ANKRD30B: variants seen among roughly 807,000 people sequenced by gnomAD.
The protein encoded by ANKRD30B is ankyrin repeat domain-containing protein 30B.
In ANKRD30B, 144 loss-of-function variants were observed where a neutral mutation model predicts 202.2. That is an observed-to-expected ratio of 0.71 (90% CI 0.62 to 0.82). The LOEUF is 0.82. ANKRD30B is among the 40% of genes least tolerant of loss of function. The pLI, the probability that ANKRD30B is intolerant of heterozygous loss-of-function variation, is 0.00. For synonymous variants in ANKRD30B, 508 were observed against 561.3 expected, an observed-to-expected ratio of 0.91 and a Z score of 1.34; for missense variants, 1,487 against 1,669.1, an observed-to-expected ratio of 0.89 and a Z score of 1.90.
At chr18:14,836,827 C>T (rs1046008221) in intron 34 of ANKRD30B, among the ~76,000 whole-genome samples, 9 of 151,742 alleles carry the variant, frequency 5.9e-5, no homozygotes, top group African/African-American at 2.2e-4. Context: ...GTCTTTGTAT[C>T]CTGACTCTGC....
At chr18:14,766,472 CAAAAAA>C (rs1168681924) in intron 7 of ANKRD30B, among the ~76,000 whole-genome samples, 94 of 55,600 alleles carry the variant, frequency 1.7e-3, no homozygotes, top group Middle Eastern at 0.021. Flanking sequence ...GACTCCATCT[CAAAAAA>C]AAAAAAAAAA....
intron 26 of ANKRD30B, among the ~76,000 whole-genome samples, chr18:14,809,144 G>T (rs1446970567): frequency 2.0e-5 from 3 of 149,484 alleles, no homozygotes; most frequent in Non-Finnish European, 4.4e-5. Context: ...TAGTGAGGGT[G>T]GGGGTGGGTT....
At chr18:14,811,347 G>A (rs1473047253) in intron 28 of ANKRD30B, among the ~76,000 whole-genome samples, 30 of 150,950 alleles carry the variant, frequency 2.0e-4, no homozygotes, top group Admixed American at 2.0e-3. Flanking sequence ...AAGTAGCTGG[G>A]AATCCAGGCG....
chr18:14,800,909 C>A (rs1354577449), intron 22 of ANKRD30B, among the ~76,000 whole-genome samples: 1 of 10,432 alleles, frequency 9.6e-5, no homozygotes, highest in Admixed American at 9.9e-4. Flanking sequence ...ATTAAGTACA[C>A]AATTATTATG....
At chr18:14,863,249 G>A in the ANKRD30B span, among the ~76,000 whole-genome samples, 4 of 107,208 alleles carry the variant, frequency 3.7e-5, no homozygotes, top group Non-Finnish European at 8.2e-5. Flanking sequence ...GATCTTAAAC[G>A]TTGGTGGTGG....
In ANKRD30B at chr18:14,809,938, T is replaced by A. The variant is rs780358613; in HGVS notation, c.2387-48T>A. On this transcript the variant is annotated intron_variant, in intron 26 of 43. Coordinates refer to ENST00000690538, the MANE Select transcript of ANKRD30B (RefSeq NM_001367607.2). ...CACACTCTATGAACATTTGGTAGGC[T>A]TTGTCAGGCTTGCATATAATCAATT... The A allele has an allele frequency of 9.5e-6, 13 of 1,364,566 alleles. 1 individual carries two copies. In the South Asian group the frequency reaches 1.5e-4, roughly 16 times the overall value. The allele number at this position is 1,364,566 out of a possible 1,614,324, so 84.5% of individuals were successfully genotyped here.
intron 15 of ANKRD30B, among the ~76,000 whole-genome samples, chr18:14,789,868 ATG>A (rs1968348915): frequency 6.6e-6 from 1 of 152,164 alleles, no homozygotes; most frequent in Non-Finnish European, 1.5e-5. Context: ...TGACTTGGAG[ATG>A]CAGGCTCTTT....
At chr18:14,824,894 C>T (rs952802688) in intron 32 of ANKRD30B, among the ~76,000 whole-genome samples, 2 of 152,126 alleles carry the variant, frequency 1.3e-5, no homozygotes, top group Non-Finnish European at 2.9e-5. Context: ...TGATTGTACT[C>T]CTATAAAACT....
the ANKRD30B span, among the ~76,000 whole-genome samples, chr18:14,874,477 T>C: frequency 3.3e-5 from 5 of 152,244 alleles, no homozygotes; most frequent in African/African-American, 1.2e-4. Context: ...TAATACAATT[T>C]GTATGAACAT....
chr18:14,763,870 A>G lies in ANKRD30B; in HGVS notation c.1005A>G (p.Thr335=). The G allele has an allele frequency of 1.2e-6, 2 of 1,612,846 alleles. No homozygotes were observed. The highest frequency in any genetic ancestry group is 8.5e-7 in the Non-Finnish European group (1 of 1,179,362). Residue 335 remains threonine (T), a synonymous_variant, in exon 7 of 44, where the codon ACA becomes ACG. Transcript: ENST00000690538. ...SGKFEQSTEE[T]PRKILRPTKE... is the part of the protein sequence containing the mutation. Reference sequence around the variant, plus strand: ...AGTTTGAACAGTCAACAGAAGAAACACCTAGGAAAATTTTGAGGCCTACAA... The same window carrying G: ...AGTTTGAACAGTCAACAGAAGAAACGCCTAGGAAAATTTTGAGGCCTACAA...
chr18:14,906,328 G>A, the ANKRD30B span, among the ~76,000 whole-genome samples: 1 of 152,000 alleles, frequency 6.6e-6, no homozygotes, highest in Admixed American at 6.5e-5. Flanking sequence ...TTGTAAAATG[G>A]CATCAAAATC....
At chr18:14,821,860 G>A (rs772414085) in intron 30 of ANKRD30B, among the ~76,000 whole-genome samples, 6 of 152,128 alleles carry the variant, frequency 3.9e-5, no homozygotes, top group East Asian at 3.8e-4. Flanking sequence ...AAAAATACTC[G>A]TATTTCACAG....
the ANKRD30B span, among the ~76,000 whole-genome samples, chr18:14,939,353 T>C: frequency 6.6e-6 from 1 of 152,170 alleles, no homozygotes; most frequent in African/African-American, 2.4e-5. Context: ...CCCTGGCTGA[T>C]TCCCCAGTGG....
rs1351124280 is a variant in ANKRD30B at position 14,810,148 on chromosome 18, T to C, written c.2456T>C (p.Leu819Ser). ...VRKVSLPNKA[L>S]ELKDRETLKA... ...AAAGTTTCTCTTCCAAATAAAGCCT[T>C]AGAATTAAAGGACAGAGAAACATTA... is the stretch of plus-strand genomic sequence containing the variant. Residue 819 changes from leucine to serine, a missense_variant, in exon 28 of 44, where the codon TTA becomes TCA. This residue lies in a region of ANKRD30B where 218 missense variants were observed against 320.1 expected (regional missense o/e 0.68). Transcript: ENST00000690538. 2.0e-6 allele frequency: 3 copies of C among 1,478,312 alleles called. No individual in the cohort carries two copies. In the Admixed American group the frequency reaches 6.0e-5, roughly 29 times the overall value. The allele number at this position is 1,478,312 out of a possible 1,614,324, so 91.6% of individuals were successfully genotyped here. A position where few individuals can be genotyped will look rare whatever the true frequency, so the allele number is the denominator to read the frequency against.
intron 20 of ANKRD30B, among the ~76,000 whole-genome samples, chr18:14,798,550 C>A (rs1415367679): frequency 2.6e-5 from 4 of 152,094 alleles, no homozygotes; most frequent in Non-Finnish European, 5.9e-5. Context: ...ACCAGAAATT[C>A]TCAGAAGGGA....
Position 14,814,676 on chromosome 18 carries a change from A to T in ANKRD30B, c.2606A>T (p.Gln869Leu). The change falls in exon 30 of 44, where the codon CAA becomes CTA. Residue 869 changes from glutamine to leucine, a missense_variant. This residue lies in a region of ANKRD30B where 218 missense variants were observed against 320.1 expected (regional missense o/e 0.68). Coordinates refer to ENST00000690538, the MANE Select transcript of ANKRD30B (RefSeq NM_001367607.2). ...GGGTGTTTACCCAAGGCTACACATC[A>T]AAAAGAATTCGATACCTTAAGTGGA... ...NDGCLPKATH[Q>L]KEFDTLSGKL... is the part of the protein sequence containing the mutation. 1 of 1,123,738 alleles carries T rather than the reference A, an allele frequency of 8.9e-7. No homozygotes were observed. The highest frequency in any genetic ancestry group is 1.2e-6 in the Non-Finnish European group (1 of 811,610). The allele number at this position is 1,123,738 out of a possible 1,614,324, so 69.6% of individuals were successfully genotyped here. A position where few individuals can be genotyped will look rare whatever the true frequency, so the allele number is the denominator to read the frequency against.
intron 24 of ANKRD30B, among the ~76,000 whole-genome samples, chr18:14,804,500 C>T (rs1969375502): frequency 1.3e-5 from 2 of 148,966 alleles, no homozygotes; most frequent in Admixed American, 1.3e-4. Context: ...CACTGTGATT[C>T]AGCCGACTAG....
At chr18:14,833,389 C>T (rs548298715) in intron 34 of ANKRD30B, among the ~76,000 whole-genome samples, 1 of 152,314 alleles carries the variant, frequency 6.6e-6, no homozygotes, top group African/African-American at 2.4e-5. Context: ...ACTGGAACTA[C>T]AGGCATCCGC....
chr18:14,888,868 T>G, the ANKRD30B span: 175 of 947,688 alleles, frequency 1.8e-4, no homozygotes, highest in Admixed American at 2.3e-4. Flanking sequence ...GAATTAGTCC[T>G]TTGAAGTTAC....
Sources: allele counts gnomAD v4.1 joint callset (sites outside exome capture counted in the v4.1 genomes callset), GRCh38; gene constraint gnomAD v4.1.1; regional missense constraint gnomAD v4.1.1; transcripts MANE v1.5; gene names NCBI Gene and HGNC (gene_info 2026-07-23, HGNC 2026-07-21).